TRIO: variants seen among roughly 807,000 people sequenced by gnomAD.
TRIO encodes the protein triple functional domain protein.
TRIO carries 58 observed loss-of-function variants against 351.9 expected under a neutral mutation model. That is an observed-to-expected ratio of 0.16 (90% CI 0.13 to 0.21). TRIO has a LOEUF of 0.21. TRIO is among the 10% of genes least tolerant of loss of function. The pLI, the probability that TRIO is intolerant of heterozygous loss-of-function variation, is 1.00. For missense variants in TRIO, 3,201 were observed against 4,027.8 expected (o/e 0.79, Z 5.56); for synonymous variants, 1,758 against 1,595.7 (o/e 1.10, Z -2.42).
At chr5:14,226,384 A>G (rs1793033002) in intron 1 of TRIO, among the ~76,000 whole-genome samples, 1 of 152,128 alleles carries the variant, frequency 6.6e-6, no homozygotes, top group Non-Finnish European at 1.5e-5. Flanking sequence ...GGAGGTTGAA[A>G]ACCAGGGTGT....
rs146597940 is a variant in TRIO, at chr5:14,491,188, G to A, written c.7633-1379G>A. Among the ~76,000 whole-genome samples the A allele has an allele frequency of 1.2e-3, 190 of 152,312 alleles. 1 individual carries two copies. The highest frequency in any genetic ancestry group is 4.3e-3 in the African/African-American group (177 of 41,572). ...CTTGACCTCATGGAGGAGGGCCAGA[G>A]GTCTCTTCCCTCTGGTCCTTTTGGC... On this transcript the variant is annotated intron_variant, in intron 48 of 56. Coordinates refer to ENST00000344204, the MANE Select transcript of TRIO (RefSeq NM_007118.4).
chr5:14,367,067 A>T, intron 16 of TRIO, 88 bp downstream of exon 16: 2 of 1,558,684 alleles, frequency 1.3e-6, no homozygotes, highest in Non-Finnish European at 8.7e-7. Flanking sequence ...TGACCATGGG[A>T]ACCACATGGG....
intron 12 of TRIO, among the ~76,000 whole-genome samples, 170 bp downstream of exon 12, chr5:14,358,517 C>T (rs1030893831): frequency 2.2e-5 from 3 of 139,014 alleles, no homozygotes; most frequent in Non-Finnish European, 4.6e-5. Flanking sequence ...TCTCTCTTTT[C>T]CTTTCCCCTC....
intron 1 of TRIO, among the ~76,000 whole-genome samples, chr5:14,200,043 C>A (rs1791007508): frequency 6.6e-6 from 1 of 152,198 alleles, no homozygotes; most frequent in African/African-American, 2.4e-5. Context: ...GTTGTGAGAT[C>A]TTAGTGTCCT....
At chr5:14,406,178 C>A in intron 32 of TRIO, 188 bp downstream of exon 32, 1 of 906,550 alleles carries the variant, frequency 1.1e-6, no homozygotes, top group Non-Finnish European at 1.6e-6. Context: ...CCTCTATTGG[C>A]TTAGAGTAAA....
rs1014895427 is a variant in TRIO at position 14,497,318 on chromosome 5, C to T, written c.8019+301C>T. ...ACAGAGACTAGGTTCTCAGAAGCAG[C>T]GAAGGTGCAGAGAAGCTATGGCTCA... On this transcript the variant is annotated intron_variant, in intron 50 of 56. Transcript: ENST00000344204. This position sits in a 1 kb window ranked among gnomAD's most constrained non-coding sequence, Gnocchi z 4.4. Among the ~76,000 whole-genome samples the T allele has an allele frequency of 1.3e-5, 2 of 152,144 alleles. No individual in the cohort carries two copies. Among genetic ancestry groups the T allele is most frequent in the Non-Finnish European group, 2.9e-5 (2 of 68,028 alleles).
At chr5:14,217,155 G>A (rs1157830281) in intron 1 of TRIO, among the ~76,000 whole-genome samples, 1 of 152,182 alleles carries the variant, frequency 6.6e-6, no homozygotes, top group Non-Finnish European at 1.5e-5. Flanking sequence ...GTTTACTAAA[G>A]GATGTTTGTT....
At chr5:14,461,336 G>A (rs1477448387) in intron 35 of TRIO, 25 bp downstream of exon 35, 21 of 1,512,240 alleles carry the variant, frequency 1.4e-5, no homozygotes, top group Non-Finnish European at 1.8e-5. Flanking sequence ...GCTGGTTGGG[G>A]CCGGCGTGGC....
At chr5:14,228,939 G>A (rs1793221297) in intron 1 of TRIO, among the ~76,000 whole-genome samples, 1 of 152,092 alleles carries the variant, frequency 6.6e-6, no homozygotes, top group African/African-American at 2.4e-5. Flanking sequence ...CTGATCTCAG[G>A]CTGTGATAAA....
chr5:14,400,499 AG>A (rs931715277), intron 30 of TRIO, among the ~76,000 whole-genome samples: 7 of 152,214 alleles, frequency 4.6e-5, no homozygotes, highest in Non-Finnish European at 1.0e-4. Context: ...AAATACTAAA[AG>A]CTAATGCTAT....
intron 18 of TRIO, among the ~76,000 whole-genome samples, 199 bp from the exon 19 acceptor site, chr5:14,374,030 G>A (rs939342272): frequency 2.6e-5 from 4 of 152,176 alleles, no homozygotes; most frequent in Non-Finnish European, 4.4e-5. Context: ...GTAGCAGCAG[G>A]TGTCATCAGA....
chr5:14,428,968 C>T lies in TRIO; in HGVS notation c.5203+8947C>T, dbSNP rs552617477. On this transcript the variant is annotated intron_variant, in intron 34 of 56. Transcript: ENST00000344204. ...CTCTCTGGAGACTGGACTTCCTTTACTGCCTCCTTTCTGACATTTCCTAGA... is the reference window on the plus strand; with the variant it reads ...CTCTCTGGAGACTGGACTTCCTTTATTGCCTCCTTTCTGACATTTCCTAGA... 7.8e-4 allele frequency among the ~76,000 whole-genome samples: 119 copies of T among 152,344 alleles called. 4 individuals carry two copies. The South Asian group carries it at 0.024, about 30-fold the overall frequency.
At chr5:14,506,601 T>C (rs1361158415) in intron 55 of TRIO, among the ~76,000 whole-genome samples, 1 of 152,194 alleles carries the variant, frequency 6.6e-6, no homozygotes, top group Non-Finnish European at 1.5e-5. Flanking sequence ...CACTTGGCAG[T>C]GCTGGGTAAG....
chr5:14,263,160 A>C (rs1795460765), intron 1 of TRIO, among the ~76,000 whole-genome samples: 1 of 152,106 alleles, frequency 6.6e-6, no homozygotes, highest in Non-Finnish European at 1.5e-5. Flanking sequence ...TTCCATACCA[A>C]ATATCTGTAC....
chr5:14,385,538 A>G (rs1254293411), intron 21 of TRIO, among the ~76,000 whole-genome samples: 1 of 152,234 alleles, frequency 6.6e-6, no homozygotes, highest in Non-Finnish European at 1.5e-5. Flanking sequence ...TGTAAGAAAT[A>G]TGAGAGAGAA....
Position 14,199,232 on chromosome 5 carries a change from T to C in TRIO, c.157+55350T>C, listed in dbSNP as rs148604130. Among the ~76,000 whole-genome samples, 207 of 100,328 alleles carry C rather than the reference T, an allele frequency of 2.1e-3. 1 individual carries two copies. The highest frequency in any genetic ancestry group is 6.6e-3 in the African/African-American group (199 of 30,038). 65.8% of individuals were successfully genotyped at this position (100,328 alleles called of 152,430 possible). ...AAAAAAAAAAAAACCTCCCTAAAAA[T>C]GCAACTCAAAGTGTTAAGTATTCAT... is the stretch of plus-strand genomic sequence containing the variant. On this transcript the variant is annotated intron_variant, in intron 1 of 56. Coordinates refer to ENST00000344204, the MANE Select transcript of TRIO (RefSeq NM_007118.4).
chr5:14,187,308 T>C (rs2152144533), intron 1 of TRIO, among the ~76,000 whole-genome samples: 1 of 152,368 alleles, frequency 6.6e-6, no homozygotes, highest in East Asian at 1.9e-4. Context: ...ATAAGGATTT[T>C]TACGGAAAAG....
chr5:14,381,394 T>A lies in TRIO; in HGVS notation c.3570+142T>A, dbSNP rs1746090060. On this transcript the variant is annotated intron_variant, in intron 21 of 56. Coordinates refer to ENST00000344204, the MANE Select transcript of TRIO (RefSeq NM_007118.4). Reference sequence around the variant, plus strand: ...CATTAACTGGAGGATGCTTCCTCCTTCCGTTCACGTGTGTCCCTCCGTGTC... The same window carrying A: ...CATTAACTGGAGGATGCTTCCTCCTACCGTTCACGTGTGTCCCTCCGTGTC... 4 of 1,029,620 alleles carry A rather than the reference T, an allele frequency of 3.9e-6. No homozygotes were observed. The East Asian group carries it at 1.1e-4, about 28-fold the overall frequency. 63.8% of individuals were successfully genotyped at this position (1,029,620 alleles called of 1,614,324 possible).
chr5:14,335,442 C>T (rs1741305964), intron 10 of TRIO, among the ~76,000 whole-genome samples: 1 of 152,176 alleles, frequency 6.6e-6, no homozygotes, highest in African/African-American at 2.4e-5. Flanking sequence ...CCTGTCCTGG[C>T]ATCCCCCAGC....
Sources: gnomAD v4.1 joint callset for allele counts (sites outside exome capture counted in the v4.1 genomes callset) on GRCh38, gnomAD v4.1.1 for gene constraint, Gnocchi (gnomAD v3.1) non-coding constraint, MANE v1.5 for transcripts, NCBI Gene and HGNC (gene_info 2026-07-23, HGNC 2026-07-21) for gene names.